The following PTPRZ1 variants were observed in gnomAD, a reference collection of about 807,000 sequenced individuals.
PTPRZ1 encodes the protein receptor-type tyrosine-protein phosphatase zeta.
Under a neutral mutation model 214.1 loss-of-function variants are expected in PTPRZ1, and 82 were observed. The observed-to-expected ratio is 0.38, with a 90% CI of 0.32 to 0.46. The LOEUF is 0.46. PTPRZ1 is among the 20% of genes least tolerant of loss of function. PTPRZ1 has a pLI of 1.00. For missense variants in PTPRZ1, 2,603 were observed against 2,748.7 expected (o/e 0.95, Z 1.19); for synonymous variants, 945 against 987.9 (o/e 0.96, Z 0.81).
intron 23 of PTPRZ1, among the ~76,000 whole-genome samples, chr7:122,048,773 A>G (rs1157386246): frequency 6.6e-6 from 1 of 152,172 alleles, no homozygotes; most frequent in East Asian, 1.9e-4. Flanking sequence ...AAATATAACC[A>G]GGCCCAAAAT....
chr7:122,012,168 T>C lies in PTPRZ1; in HGVS notation c.3122T>C (p.Leu1041Pro). 6.2e-7 allele frequency: 1 copy of C among 1,613,956 alleles called. No individual in the cohort carries two copies. The highest frequency in any genetic ancestry group is 1.3e-5 in the African/African-American group (1 of 75,038). Residue 1041 changes from leucine to proline, a missense_variant, in exon 12 of 30, where the codon CTT becomes CCT. By Grantham distance (98) the Leu-to-Pro change is moderately conservative. Coordinates refer to ENST00000393386, the MANE Select transcript of PTPRZ1 (RefSeq NM_002851.3). ...TSVFGDDNKA[L>P]SKSEIIYGNE... ...GTGTTTGGTGATGATAATAAGGCGCTTTCTAAAAGTGAAATAATATATGGA... is the reference window on the plus strand; with the variant it reads ...GTGTTTGGTGATGATAATAAGGCGCCTTCTAAAAGTGAAATAATATATGGA...
rs367721440 is a variant in PTPRZ1 at position 122,010,814 on chromosome 7, A to C, written c.1768A>C (p.Ser590Arg). 3.7e-5 allele frequency: 59 copies of C among 1,613,996 alleles called. No homozygotes were observed. The highest frequency in any genetic ancestry group is 4.7e-5 in the Non-Finnish European group (55 of 1,180,008). The change falls in exon 12 of 30, where the codon AGT becomes CGT. Residue 590 changes from serine (S) to arginine (R), a missense_variant. This residue lies in a region of PTPRZ1 where 1,913 missense variants were observed against 1,914.3 expected (regional missense o/e 1.00). Coordinates refer to ENST00000393386, the MANE Select transcript of PTPRZ1 (RefSeq NM_002851.3). ...DTGAEDSSGS[S>R]PATSAIPFIS... ...TGGAGCTGAAGATTCTTCAGGCTCCAGTCCCGCAACTTCTGCTATCCCATT... is the reference window on the plus strand; with the variant it reads ...TGGAGCTGAAGATTCTTCAGGCTCCCGTCCCGCAACTTCTGCTATCCCATT...
intron 15 of PTPRZ1, 123 bp downstream of exon 15, chr7:122,031,682 GT>G: frequency 3.3e-6 from 2 of 602,992 alleles, no homozygotes; most frequent in South Asian, 5.2e-5. Flanking sequence ...AAAAATATGA[GT>G]TCCATAATTA....
At chr7:122,002,347 A>G (rs1798355411) in intron 10 of PTPRZ1, among the ~76,000 whole-genome samples, 1 of 152,174 alleles carries the variant, frequency 6.6e-6, no homozygotes, top group Admixed American at 6.6e-5. Flanking sequence ...GTGCTCACCC[A>G]TGAGAGTGCC....
chr7:122,016,804 T>C (rs1325037255), intron 12 of PTPRZ1, among the ~76,000 whole-genome samples: 2 of 151,830 alleles, frequency 1.3e-5, no homozygotes, highest in Non-Finnish European at 1.5e-5. Flanking sequence ...CTTTGAAAAT[T>C]TGTGGCTATT....
Position 121,935,539 on chromosome 7 carries a change from G to GT in PTPRZ1, c.124+7326dup, listed in dbSNP as rs67756016. Among the ~76,000 whole-genome samples, 744 of 118,612 alleles carry GT rather than the reference G, an allele frequency of 6.3e-3. 14 individuals are homozygous for GT. The highest frequency in any genetic ancestry group is 0.034 in the Admixed American group (445 of 13,050). The allele number at this position is 118,612 out of a possible 152,430, so 77.8% of individuals were successfully genotyped here. A position where few individuals can be genotyped will look rare whatever the true frequency, so the allele number is the denominator to read the frequency against. ...TTTGTTTTTGTTTTTGTTTTTTGGG[G>GT]TTTTTTTTGTTTGTTTGTTTGTTTG... On this transcript the variant is annotated intron_variant, in intron 2 of 29. Transcript: ENST00000393386.
At chr7:122,001,590 A>G (rs1798325125) in intron 10 of PTPRZ1, among the ~76,000 whole-genome samples, 1 of 152,214 alleles carries the variant, frequency 6.6e-6, no homozygotes, top group Admixed American at 6.5e-5. Flanking sequence ...ATGCAGAATT[A>G]TAGTTTGAAG....
At chr7:121,908,167 T>G (rs557073255) in intron 1 of PTPRZ1, among the ~76,000 whole-genome samples, 6 of 152,220 alleles carry the variant, frequency 3.9e-5, no homozygotes, top group African/African-American at 1.4e-4. Flanking sequence ...GTAGAATAAT[T>G]TCTCTTCAAG....
chr7:122,013,802 G>T lies in PTPRZ1; in HGVS notation c.4756G>T (p.Asp1586Tyr), dbSNP rs777111571. The T allele has an allele frequency of 3.7e-6, 6 of 1,613,984 alleles. No homozygotes were observed. The highest frequency in any genetic ancestry group is 2.2e-5 in the South Asian group (2 of 91,080). Reference protein sequence around the residue: ...KDADGILAAGDSEITPGFPQS... With the variant: ...KDADGILAAGYSEITPGFPQS... ...TGCTGATGGGATCCTGGCAGCAGGT[G>T]ACTCAGAAATAACTCCTGGATTCCC... The change falls in exon 12 of 30, where the codon GAC becomes TAC. Residue 1586 changes from aspartate (D) to tyrosine (Y), a missense_variant. Physicochemically the swap from Asp to Tyr is radical, Grantham distance 160. Around this residue, in one of 6 missense-constraint regions of PTPRZ1, gnomAD observed 1,913 missense variants for 1,914.3 expected, o/e 1.00. Coordinates refer to ENST00000393386, the MANE Select transcript of PTPRZ1 (RefSeq NM_002851.3).
intron 1 of PTPRZ1, among the ~76,000 whole-genome samples, chr7:121,904,400 T>TG (rs1339470566): frequency 1.3e-5 from 2 of 152,150 alleles, no homozygotes; most frequent in Non-Finnish European, 2.9e-5. Flanking sequence ...AGCTGTGCAG[T>TG]GGGGGTGCTC....
At chr7:121,907,870 A>G (rs1310433545) in intron 1 of PTPRZ1, among the ~76,000 whole-genome samples, 1 of 151,994 alleles carries the variant, frequency 6.6e-6, no homozygotes, top group Non-Finnish European at 1.5e-5. Context: ...AAAAGTTACT[A>G]TTTTTTCAAA....
intron 23 of PTPRZ1, among the ~76,000 whole-genome samples, chr7:122,048,790 A>T (rs955368519): frequency 9.9e-5 from 15 of 152,160 alleles, no homozygotes; most frequent in African/African-American, 3.6e-4. Context: ...AAATAATTTA[A>T]TGTCACATTT....
intron 23 of PTPRZ1, among the ~76,000 whole-genome samples, chr7:122,045,683 T>TACACACACACAC (rs71172161): frequency 0.018 from 2,625 of 146,566 alleles, 33 homozygotes; most frequent in Non-Finnish European, 0.028. Flanking sequence ...CTAAATAAAT[T>TACACACACACAC]ACACACACAC....
intron 11 of PTPRZ1, among the ~76,000 whole-genome samples, chr7:122,009,332 G>A (rs79738021): frequency 0.023 from 3,474 of 151,744 alleles, 67 homozygotes; most frequent in Non-Finnish European, 0.037. Flanking sequence ...CTCAATGGCT[G>A]TACTCAGTAA....
At chr7:122,039,934 A>G (rs1285383883) in intron 20 of PTPRZ1, among the ~76,000 whole-genome samples, 1 of 151,812 alleles carries the variant, frequency 6.6e-6, no homozygotes, top group Admixed American at 6.6e-5. Context: ...GTGAGCTAAG[A>G]TCATGCCACT....
At chr7:121,963,146 C>T (rs1011277110) in intron 2 of PTPRZ1, among the ~76,000 whole-genome samples, 82 of 152,072 alleles carry the variant, frequency 5.4e-4, no homozygotes, top group African/African-American at 1.8e-3. Context: ...GAAGTGATAC[C>T]TCAGTTCTTC....
intron 2 of PTPRZ1, among the ~76,000 whole-genome samples, chr7:121,934,561 C>A (rs1347671915): frequency 6.7e-6 from 1 of 150,058 alleles, no homozygotes; most frequent in Non-Finnish European, 1.5e-5. Flanking sequence ...TAATAATGCC[C>A]AACTTAATTG....
At chr7:121,938,489 C>A (rs1455417826) in intron 2 of PTPRZ1, among the ~76,000 whole-genome samples, 1 of 152,194 alleles carries the variant, frequency 6.6e-6, no homozygotes, top group Non-Finnish European at 1.5e-5. Context: ...CAAGAGGTAG[C>A]TTTACAAGTT....
chr7:121,983,591 T>C, intron 6 of PTPRZ1, 74 bp from the exon 7 acceptor site: 1 of 1,323,034 alleles, frequency 7.6e-7, no homozygotes, highest in Non-Finnish European at 1.0e-6. Flanking sequence ...CATGTGTCTC[T>C]GTTTCATAGA....
Sources: allele counts gnomAD v4.1 joint callset (sites outside exome capture counted in the v4.1 genomes callset), GRCh38; gene constraint gnomAD v4.1.1; regional missense constraint gnomAD v4.1.1; transcripts MANE v1.5; gene names NCBI Gene and HGNC (gene_info 2026-07-23, HGNC 2026-07-21).